The following TTC23L variants were observed in gnomAD, a reference collection of about 807,000 sequenced individuals.
The protein encoded by TTC23L is tetratricopeptide repeat protein 23-like.
A neutral mutation model predicts 48.1 loss-of-function variants in TTC23L; 42 were observed. The ratio of observed to expected loss-of-function variants is 0.87; its 90% CI spans 0.68 to 1.13. The LOEUF (loss-of-function observed/expected upper bound fraction) is 1.13. TTC23L is among the 50% of genes most tolerant of loss of function. The probability of loss-of-function intolerance (pLI) is 0.00; values close to 1 mark genes in which losing one functional copy is unlikely to be tolerated. For synonymous variants in TTC23L, 159 were observed against 157.2 expected, an observed-to-expected ratio of 1.01 and a Z score of -0.09; for missense variants, 391 against 421.0, an observed-to-expected ratio of 0.93 and a Z score of 0.62.
chr5:34,852,722 G>A (rs1759775442), intron 4 of TTC23L, among the ~76,000 whole-genome samples: 1 of 152,090 alleles, frequency 6.6e-6, no homozygotes, highest in Admixed American at 6.6e-5. Context: ...AGAATGAAAG[G>A]GAAAGACCAA....
At chr5:34,872,130 A>G (rs12153054) in intron 8 of TTC23L, among the ~76,000 whole-genome samples, 34,982 of 151,346 alleles carry the variant, frequency 0.23, 4,733 homozygotes, top group South Asian at 0.36. Context: ...AAAAAAAAAA[A>G]AAGAAGAAGA....
At chr5:34,922,082 A>G in the TTC23L span, 1 of 467,418 alleles carries the variant, frequency 2.1e-6, no homozygotes, top group Non-Finnish European at 3.8e-6. Flanking sequence ...GTGAATAAAT[A>G]CATGTTTAGG....
chr5:34,901,046 T>C (rs555198879), downstream of TTC23L, among the ~76,000 whole-genome samples: 2 of 152,336 alleles, frequency 1.3e-5, no homozygotes, highest in African/African-American at 4.8e-5. Flanking sequence ...ATGTACTGTA[T>C]ATGTGTGTAA....
chr5:34,864,358 C>T (rs955969595), intron 5 of TTC23L, 79 bp from the exon 6 acceptor site: 1 of 1,522,468 alleles, frequency 6.6e-7, no homozygotes, highest in Admixed American at 2.1e-5. Flanking sequence ...CCAAGAGCCC[C>T]TTTTGTTTCC....
At chr5:34,911,458 A>G in the TTC23L span, 6 of 1,440,816 alleles carry the variant, frequency 4.2e-6, no homozygotes, top group Non-Finnish European at 4.7e-6. Flanking sequence ...AAACTCTAAA[A>G]ATGTGGATAA....
At chr5:34,925,229 C>T in the TTC23L span, 526 of 1,511,072 alleles carry the variant, frequency 3.5e-4, no homozygotes, top group Non-Finnish European at 4.3e-4. Flanking sequence ...TTTTTAGCAT[C>T]GGCGTGTCAT....
rs550898340 is a variant in TTC23L, at chr5:34,882,875, T to TA, written c.1077+2574dup. On this transcript the variant is annotated intron_variant, in intron 9 of 10. Coordinates refer to ENST00000505624, the Ensembl canonical transcript of TTC23L. ...GGCAACAAAGTGAGACCCTCATCTGTAAAAAAATTAAAGAATTAGCCAGGT... is the reference window on the plus strand; with the variant it reads ...GGCAACAAAGTGAGACCCTCATCTGTAAAAAAAATTAAAGAATTAGCCAGGT... Among the ~76,000 whole-genome samples the TA allele has an allele frequency of 4.5e-3, 691 of 151,916 alleles. 5 individuals carry two copies. The highest frequency in any genetic ancestry group is 7.1e-3 in the Non-Finnish European group (485 of 67,934).
At chr5:34,884,743 CA>C (rs1762446903) in intron 9 of TTC23L, among the ~76,000 whole-genome samples, 1 of 151,956 alleles carries the variant, frequency 6.6e-6, no homozygotes, top group African/African-American at 2.4e-5. Flanking sequence ...AAGACTTATA[CA>C]CTGAAAAAAA....
At chr5:34,880,220 A>G in exon 9 of TTC23L, 4 of 1,612,980 alleles carry the variant, frequency 2.5e-6, no homozygotes, top group South Asian at 2.2e-5. Context: ...ATCAATGCAT[A>G]TCGAGCAACA....
the TTC23L span, chr5:34,922,487 G>A: frequency 8.9e-7 from 1 of 1,128,194 alleles, no homozygotes; most frequent in Non-Finnish European, 1.3e-6. Context: ...TAGGTGGTAA[G>A]CATTGACTAC....
chr5:34,853,173 G>C (rs1199284490), intron 4 of TTC23L, among the ~76,000 whole-genome samples: 1 of 152,168 alleles, frequency 6.6e-6, no homozygotes. Flanking sequence ...AAAGATGTTA[G>C]TCTGGGAGAA....
At chr5:34,925,663 C>A in the TTC23L span, 1 of 577,498 alleles carries the variant, frequency 1.7e-6, no homozygotes, top group Non-Finnish European at 2.8e-6. Flanking sequence ...AATAAAATAT[C>A]ACCAGAATTC....
intron 9 of TTC23L, among the ~76,000 whole-genome samples, chr5:34,893,804 T>A (rs952165545): frequency 9.9e-5 from 15 of 151,312 alleles, no homozygotes; most frequent in African/African-American, 3.4e-4. Flanking sequence ...CAGGAAAAAA[T>A]AGGAAATCAG....
At chr5:34,842,055 A>T (rs1345287158) in intron 2 of TTC23L, among the ~76,000 whole-genome samples, 1 of 152,234 alleles carries the variant, frequency 6.6e-6, no homozygotes, top group Non-Finnish European at 1.5e-5. Context: ...GTTGGGAACC[A>T]TTGCTCTATA....
intron 4 of TTC23L, among the ~76,000 whole-genome samples, chr5:34,856,882 G>T (rs915737367): frequency 5.3e-5 from 8 of 152,198 alleles, no homozygotes; most frequent in Non-Finnish European, 2.9e-5. Context: ...CCCCATAGTG[G>T]TTGGAGGAGA....
At chr5:34,883,771 TC>T (rs1293611619) in intron 9 of TTC23L, among the ~76,000 whole-genome samples, 1 of 152,146 alleles carries the variant, frequency 6.6e-6, no homozygotes, top group Non-Finnish European at 1.5e-5. Context: ...TCAAAAACCT[TC>T]TTACAAATAA....
rs116645711 is a variant in TTC23L at position 34,893,960 on chromosome 5, A to C, written c.1078-2810A>C. On this transcript the variant is annotated intron_variant, in intron 9 of 10. Coordinates refer to ENST00000505624, the Ensembl canonical transcript of TTC23L. ...GGCAGGATTCAAAACATAAAATGCC[A>C]TTTTTAACCTATCGTTTTTGTGGTA... is the stretch of plus-strand genomic sequence containing the variant. Among the ~76,000 whole-genome samples the C allele has an allele frequency of 5.8e-3, 883 of 152,276 alleles. 8 individuals carry two copies. Among genetic ancestry groups the C allele is most frequent in the African/African-American group, 0.02 (840 of 41,558 alleles).
At chr5:34,870,824 ATAT>A in intron 8 of TTC23L, among the ~76,000 whole-genome samples, 2 of 152,310 alleles carry the variant, frequency 1.3e-5, no homozygotes, top group East Asian at 3.9e-4. Flanking sequence ...CACTGGTTTA[ATAT>A]TCAAATCTCA....
chr5:34,887,257 A>G (rs1485886647), intron 9 of TTC23L, among the ~76,000 whole-genome samples: 2 of 152,204 alleles, frequency 1.3e-5, no homozygotes, highest in Non-Finnish European at 2.9e-5. Context: ...GAGCCAGAAT[A>G]GCTTTTCCAG....
Sources: gnomAD v4.1 joint callset for allele counts (sites outside exome capture counted in the v4.1 genomes callset) on GRCh38, gnomAD v4.1.1 for gene constraint, MANE v1.5 for transcripts, NCBI Gene and HGNC (gene_info 2026-07-23, HGNC 2026-07-21) for gene names.